Variants in PPM1L observed in about 807,000 individuals in gnomAD.
PPM1L encodes the protein protein phosphatase 1L.
A neutral mutation model predicts 31.4 loss-of-function variants in PPM1L; 13 were observed. The ratio of observed to expected loss-of-function variants is 0.41; its 90% CI spans 0.27 to 0.66. PPM1L has a LOEUF of 0.66. PPM1L is among the 30% of genes least tolerant of loss of function. The pLI, the probability that PPM1L is intolerant of heterozygous loss-of-function variation, is 0.29. For missense variants in PPM1L, 326 were observed against 453.7 expected (o/e 0.72, Z 2.56); for synonymous variants, 184 against 175.4 (o/e 1.05, Z -0.39).
chr3:160,832,465 G>C (rs1713551199), intron 1 of PPM1L, among the ~76,000 whole-genome samples: 1 of 152,122 alleles, frequency 6.6e-6, no homozygotes, highest in Admixed American at 6.6e-5. Flanking sequence ...TAAGGTATTT[G>C]GGATTGTACA....
At chr3:160,925,646 A>C (rs150791198) in intron 1 of PPM1L, among the ~76,000 whole-genome samples, 2 of 152,166 alleles carry the variant, frequency 1.3e-5, no homozygotes, top group Non-Finnish European at 2.9e-5. Context: ...TAACTCTACC[A>C]TATGTTTTGA....
chr3:160,833,072 A>G (rs1713570523), intron 1 of PPM1L, among the ~76,000 whole-genome samples: 1 of 152,216 alleles, frequency 6.6e-6, no homozygotes, highest in Non-Finnish European at 1.5e-5. Flanking sequence ...TTCCAGCTTC[A>G]TCCATGTCCC....
chr3:160,824,103 GTAT>G (rs1296284004), intron 1 of PPM1L, among the ~76,000 whole-genome samples: 1 of 152,148 alleles, frequency 6.6e-6, no homozygotes, highest in Non-Finnish European at 1.5e-5. Flanking sequence ...CAAGGTCACG[GTAT>G]TTGGAGGCGG....
chr3:160,903,177 G>GTGTGTGTGTTA (rs1713608167), intron 1 of PPM1L, among the ~76,000 whole-genome samples: 1 of 139,226 alleles, frequency 7.2e-6, no homozygotes, highest in African/African-American at 2.9e-5. Context: ...GTGTGTGTGT[G>GTGTGTGTGTTA]TGTGTGTGTG....
In PPM1L at chr3:161,043,995, A is replaced by G. The variant is rs554004475; in HGVS notation, c.575-21408A>G. Among the ~76,000 whole-genome samples the G allele has an allele frequency of 3.3e-5, 5 of 152,288 alleles. No homozygotes were observed. In the South Asian group the frequency reaches 1.0e-3, roughly 32 times the overall value. On this transcript the variant is annotated intron_variant, in intron 2 of 3. Transcript: ENST00000498165. The stretch of plus-strand genomic sequence containing the variant: ...TAAAAATATTTTATACCTCATTTGT[A>G]TGCTGTACCAGAAAGATTTATTTGA...
At chr3:160,906,606 G>GAAAAT (rs746541282) in intron 1 of PPM1L, among the ~76,000 whole-genome samples, 1 of 123,038 alleles carries the variant, frequency 8.1e-6, no homozygotes, top group Non-Finnish European at 1.9e-5. Context: ...GTCTCATAAA[G>GAAAAT]AAAAGAAAAG....
chr3:161,048,532 A>G (rs1035741687), intron 2 of PPM1L, among the ~76,000 whole-genome samples: 2 of 152,152 alleles, frequency 1.3e-5, no homozygotes, highest in African/African-American at 2.4e-5. Context: ...CGATTCCTCA[A>G]GGATCTAGAA....
rs1365383779 is a variant in PPM1L at position 161,073,449 on chromosome 3, T to C, written c.*4292T>C. On this transcript the variant is annotated 3_prime_UTR_variant, in exon 4 of 4. Coordinates refer to ENST00000498165, the MANE Select transcript of PPM1L (RefSeq NM_139245.4). ...GCAACTTAGAAGCATGAGCCTTTCATATATGAAGCTGACTTGTTAATAAAA... is the reference window on the plus strand; with the variant it reads ...GCAACTTAGAAGCATGAGCCTTTCACATATGAAGCTGACTTGTTAATAAAA... 6.6e-6 allele frequency: 1 copy of C among 152,236 alleles called. No homozygotes were observed. 9.4% of individuals were successfully genotyped at this position (152,236 alleles called of 1,614,324 possible).
intron 1 of PPM1L, among the ~76,000 whole-genome samples, chr3:160,758,543 G>T (rs917454622): frequency 6.6e-6 from 1 of 152,084 alleles, no homozygotes; most frequent in African/African-American, 2.4e-5. Context: ...TGGTTGTCTG[G>T]GTGTGATGCA....
intron 1 of PPM1L, among the ~76,000 whole-genome samples, chr3:160,945,033 A>ATAACATATATATTATATATAACTATC (rs1715347181): frequency 3.1e-5 from 1 of 32,234 alleles, no homozygotes; most frequent in African/African-American, 7.6e-5. Flanking sequence ...ATATAACTAT[A>ATAACATATATATTATATATAACTATC]TATAACATAT....
chr3:161,059,246 C>T (rs1559940474), intron 2 of PPM1L, among the ~76,000 whole-genome samples: 1 of 152,090 alleles, frequency 6.6e-6, no homozygotes, highest in Admixed American at 6.5e-5. Context: ...GAAGCCCTAC[C>T]CATATGTTAT....
intron 1 of PPM1L, among the ~76,000 whole-genome samples, chr3:160,819,248 A>G (rs1713119238): frequency 6.6e-6 from 1 of 152,030 alleles, no homozygotes; most frequent in Non-Finnish European, 1.5e-5. Context: ...ACTTTGTAAG[A>G]CACCCTGAAA....
intron 1 of PPM1L, among the ~76,000 whole-genome samples, chr3:160,814,910 C>G (rs1422522820): frequency 1.3e-5 from 2 of 151,950 alleles, no homozygotes; most frequent in Non-Finnish European, 2.9e-5. Context: ...GAATGGAGAA[C>G]CAAACATCGT....
At chr3:160,901,499 C>G (rs1459919442) in intron 1 of PPM1L, among the ~76,000 whole-genome samples, 1 of 152,124 alleles carries the variant, frequency 6.6e-6, no homozygotes, top group Admixed American at 6.6e-5. Flanking sequence ...CTCACCCAGT[C>G]ATATTGGTCT....
chr3:160,799,826 G>T (rs527988500), intron 1 of PPM1L, among the ~76,000 whole-genome samples: 1 of 152,234 alleles, frequency 6.6e-6, no homozygotes, highest in Non-Finnish European at 1.5e-5. Flanking sequence ...TCTATTTTCT[G>T]ATACTTCCCA....
chr3:160,778,880 T>G (rs936911914), intron 1 of PPM1L, among the ~76,000 whole-genome samples: 4 of 152,176 alleles, frequency 2.6e-5, no homozygotes, highest in Non-Finnish European at 5.9e-5. Context: ...CTCAAACTCA[T>G]TCTAAGTGCT....
At chr3:160,897,251 C>G (rs1446242857) in intron 1 of PPM1L, among the ~76,000 whole-genome samples, 2 of 152,016 alleles carry the variant, frequency 1.3e-5, no homozygotes, top group Non-Finnish European at 2.9e-5. Context: ...CCATGTTGGC[C>G]AGGATGGTCT....
At chr3:160,843,301 G>A (rs964656691) in intron 1 of PPM1L, among the ~76,000 whole-genome samples, 2 of 150,774 alleles carry the variant, frequency 1.3e-5, no homozygotes, top group South Asian at 4.2e-4. Flanking sequence ...TTTAGAGCAC[G>A]CCTGTCCAAC....
At chr3:161,027,106 C>T (rs1246461768) in intron 2 of PPM1L, among the ~76,000 whole-genome samples, 1 of 152,212 alleles carries the variant, frequency 6.6e-6, no homozygotes, top group Non-Finnish European at 1.5e-5. Flanking sequence ...AATAAGCTAA[C>T]TGATGTTAAT....
Sources: allele counts gnomAD v4.1 joint callset (sites outside exome capture counted in the v4.1 genomes callset), GRCh38; gene constraint gnomAD v4.1.1; transcripts MANE v1.5; gene names NCBI Gene and HGNC (gene_info 2026-07-23, HGNC 2026-07-21).